The following EXTL3 variants were observed in gnomAD, a reference collection of about 807,000 sequenced individuals.
EXTL3 encodes exostosin-like 3.
EXTL3 carries 27 observed loss-of-function variants against 69.3 expected under a neutral mutation model. That is an observed-to-expected ratio of 0.39 (90% CI 0.29 to 0.54). EXTL3 has a LOEUF of 0.54. Among genes scored for constraint, EXTL3 ranks in the 20% least tolerant of loss-of-function variants. EXTL3 has a pLI of 0.69. For missense variants in EXTL3, 1,003 were observed against 1,231.8 expected, an observed-to-expected ratio of 0.81 and a Z score of 2.78; for synonymous variants, 511 against 499.4, an observed-to-expected ratio of 1.02 and a Z score of -0.31.
At chr8:28,660,938 G>T (rs1490405067) in intron 1 of EXTL3, among the ~76,000 whole-genome samples, 1 of 130,692 alleles carries the variant, frequency 7.7e-6, no homozygotes, top group East Asian at 2.3e-4. Context: ...TTTTGAGACA[G>T]AGTCTTGCTC....
At chr8:28,637,319 T>TC (rs1317678593) in intron 1 of EXTL3, 1 of 152,102 alleles carries the variant, frequency 6.6e-6, no homozygotes, top group Non-Finnish European at 1.5e-5. Flanking sequence ...AACACCGCAT[T>TC]CCCCTTAAAC....
rs371521621 is a variant in EXTL3 at position 28,742,598 on chromosome 8, A to G, written c.2422-488A>G. The G allele has an allele frequency of 8.6e-4, 168 of 194,872 alleles. 3 individuals carry two copies. In the South Asian group the frequency reaches 0.012, roughly 14 times the overall value. 12.1% of individuals were successfully genotyped at this position (194,872 alleles called of 1,614,324 possible). A position where few individuals can be genotyped will look rare whatever the true frequency, so the allele number is the denominator to read the frequency against. ...GAGACGAAGGTGGTTGGCAGCAGGG[A>G]GTAGCCAGGGCCGATGGCGAGTACT... is the stretch of plus-strand genomic sequence containing the variant. On this transcript the variant is annotated intron_variant, in intron 5 of 6. Coordinates refer to ENST00000220562, the MANE Select transcript of EXTL3 (RefSeq NM_001440.4).
In EXTL3 at chr8:28,716,836, G is replaced by A; in HGVS notation, c.777G>A (p.Gln259=). The A allele has an allele frequency of 1.2e-6, 2 of 1,614,216 alleles. No homozygotes were observed. The change falls in exon 3 of 7, where the codon CAG becomes CAA. Residue 259 remains glutamine (Q), a synonymous_variant. Coordinates refer to ENST00000220562, the MANE Select transcript of EXTL3 (RefSeq NM_001440.4). The surrounding 1 kb of genome is among the most constrained non-coding windows in gnomAD (Gnocchi z 7.1). The stretch of plus-strand genomic sequence containing the variant: ...TGCGGCCTGCTGAGCTGGAGAAGCA[G>A]TTGTATTCCCTGCCACACTGGCGGA... ...VVLRPAELEK[Q]LYSLPHWRTD... is the part of the protein sequence containing the mutation.
chr8:28,731,293 T>C lies in EXTL3; in HGVS notation c.2219T>C (p.Ile740Thr). The C allele has an allele frequency of 6.2e-7, 1 of 1,614,190 alleles. No individual in the cohort carries two copies. The highest frequency in any genetic ancestry group is 8.5e-7 in the Non-Finnish European group (1 of 1,180,000). Reference sequence around the variant, plus strand: ...TGGAATGAAATTGAGACAGAGGCCATCCTGTCCATTGATGACGATGCTCAC... The same window carrying C: ...TGGAATGAAATTGAGACAGAGGCCACCCTGTCCATTGATGACGATGCTCAC... ...LPWNEIETEA[I>T]LSIDDDAHLR... The change falls in exon 4 of 7, where the codon ATC (isoleucine) becomes ACC (threonine). Residue 740 changes from isoleucine to threonine, a missense_variant. This residue lies in a region of EXTL3 where 261 missense variants were observed against 416.4 expected (regional missense o/e 0.63). Transcript: ENST00000220562.
At chr8:28,664,373 CTTTGTTTG>C (rs36209329) in intron 1 of EXTL3, among the ~76,000 whole-genome samples, 20,885 of 151,782 alleles carry the variant, frequency 0.14, 2,145 homozygotes, top group African/African-American at 0.29. Context: ...TTCTTTCCAT[CTTTGTTTG>C]TTTGTTTGTT....
At chr8:28,681,075 C>A (rs1431579337) in intron 1 of EXTL3, among the ~76,000 whole-genome samples, 1 of 151,860 alleles carries the variant, frequency 6.6e-6, no homozygotes. Flanking sequence ...ACGGTTTCAC[C>A]ATGTTGGCCA....
intron 5 of EXTL3, 112 bp downstream of exon 5, chr8:28,737,775 T>C: frequency 8.1e-7 from 1 of 1,234,240 alleles, no homozygotes; most frequent in South Asian, 1.2e-5. Context: ...ATGTTTCTTT[T>C]GTGCTAGAAG....
At chr8:28,641,057 G>T (rs537883981) in intron 1 of EXTL3, among the ~76,000 whole-genome samples, 5 of 152,138 alleles carry the variant, frequency 3.3e-5, no homozygotes, top group African/African-American at 1.2e-4. Context: ...TCACTCCCAG[G>T]TCTGTAGACG....
intron 3 of EXTL3, among the ~76,000 whole-genome samples, chr8:28,723,998 G>A (rs1446220439): frequency 6.6e-6 from 1 of 150,386 alleles, no homozygotes; most frequent in African/African-American, 2.4e-5. Flanking sequence ...TTTTCCACGT[G>A]TAAATTTCTT....
intron 3 of EXTL3, among the ~76,000 whole-genome samples, chr8:28,729,502 A>G (rs573800745): frequency 9.4e-4 from 134 of 142,192 alleles, no homozygotes; most frequent in African/African-American, 3.3e-3. Flanking sequence ...AGGCTGAGGC[A>G]GGAGAATCAC....
intron 1 of EXTL3, among the ~76,000 whole-genome samples, chr8:28,681,714 G>A (rs1247517998): frequency 1.3e-5 from 2 of 152,008 alleles, no homozygotes; most frequent in African/African-American, 4.8e-5. Context: ...TTTTTGAGGA[G>A]TCTCCATACT....
chr8:28,635,919 C>T (rs1235797533), intron 1 of EXTL3, among the ~76,000 whole-genome samples: 1 of 152,084 alleles, frequency 6.6e-6, no homozygotes, highest in Middle Eastern at 3.2e-3. Context: ...TGGGGTTTGC[C>T]ATGTTGGCCA....
intron 3 of EXTL3, among the ~76,000 whole-genome samples, chr8:28,729,710 A>G (rs1340162570): frequency 1.3e-5 from 2 of 150,534 alleles, no homozygotes; most frequent in Non-Finnish European, 3.0e-5. Context: ...GAATCAAAGT[A>G]TGAGTTAGGA....
chr8:28,608,118 A>AG (rs1806223196), intron 2 of EXTL3, among the ~76,000 whole-genome samples: 2 of 151,900 alleles, frequency 1.3e-5, no homozygotes, highest in African/African-American at 2.4e-5. Context: ...TCAAAAAAAA[A>AG]AAAAAGAAAG....
intron 3 of EXTL3, among the ~76,000 whole-genome samples, chr8:28,722,804 A>G (rs1801325670): frequency 6.6e-6 from 1 of 150,846 alleles, no homozygotes; most frequent in African/African-American, 2.4e-5. Context: ...AAAGAGAGAT[A>G]CAAGATTATT....
At chr8:28,667,736 C>T (rs1426692822) in intron 1 of EXTL3, among the ~76,000 whole-genome samples, 4 of 146,794 alleles carry the variant, frequency 2.7e-5, no homozygotes, top group East Asian at 2.0e-4. Flanking sequence ...GGGGGAGGGA[C>T]AGCATTAGGA....
rs1351573975 is a variant in EXTL3, at chr8:28,750,774, A to T, written c.2668A>T (p.Met890Leu). 1.2e-6 allele frequency: 2 copies of T among 1,614,192 alleles called. No individual in the cohort carries two copies. Among genetic ancestry groups the T allele is most frequent in the Non-Finnish European group, 1.7e-6 (2 of 1,180,020 alleles). The part of the protein sequence containing the change: ...INFFVKVYGY[M>L]PLLYTQFRVD... ...CTTCTTCGTGAAGGTGTACGGCTAC[A>T]TGCCCCTCCTGTACACGCAGTTCAG... The change falls in exon 7 of 7, where the codon ATG becomes TTG. Residue 890 changes from methionine to leucine, a missense_variant. Met to Leu is a conservative substitution (Grantham distance 15, BLOSUM62 2). This residue lies in a region of EXTL3 where 261 missense variants were observed against 416.4 expected (regional missense o/e 0.63). Transcript: ENST00000220562. The surrounding 1 kb of genome is among the most constrained non-coding windows in gnomAD (Gnocchi z 5.2).
chr8:28,661,155 C>T (rs553831127), intron 1 of EXTL3, among the ~76,000 whole-genome samples: 7 of 151,826 alleles, frequency 4.6e-5, no homozygotes, highest in Admixed American at 1.3e-4. Context: ...CTTCGTGATC[C>T]GCCCGCCTCA....
At chr8:28,609,723 T>C (rs1563423481) in intron 2 of EXTL3, among the ~76,000 whole-genome samples, 1 of 151,778 alleles carries the variant, frequency 6.6e-6, no homozygotes, top group Non-Finnish European at 1.5e-5. Context: ...ACCCCATCTC[T>C]ACAAAAATTT....
Sources: allele counts gnomAD v4.1 joint callset (sites outside exome capture counted in the v4.1 genomes callset), GRCh38; gene constraint gnomAD v4.1.1; regional missense constraint gnomAD v4.1.1; non-coding constraint Gnocchi (gnomAD v3.1); transcripts MANE v1.5; gene names NCBI Gene and HGNC (gene_info 2026-07-23, HGNC 2026-07-21).